NKAIN3: variants seen among roughly 807,000 people sequenced by gnomAD.
NKAIN3 encodes the protein sodium/potassium transporting ATPase interacting 3.
In NKAIN3, 25 loss-of-function variants were observed where a neutral mutation model predicts 30.2. The ratio of observed to expected loss-of-function variants is 0.83; its 90% CI spans 0.60 to 1.16. The LOEUF (loss-of-function observed/expected upper bound fraction) is 1.16. NKAIN3 is among the 50% of genes most tolerant of loss of function. NKAIN3 has a pLI of 0.00. For synonymous variants in NKAIN3, 91 were observed against 89.6 expected (o/e 1.02, Z -0.09); for missense variants, 225 against 254.1 (o/e 0.89, Z 0.78).
At chr8:62,305,444 T>C (rs1814199780) in intron 1 of NKAIN3, among the ~76,000 whole-genome samples, 1 of 150,608 alleles carries the variant, frequency 6.6e-6, no homozygotes, top group Non-Finnish European at 1.5e-5. Flanking sequence ...CTGAACAATA[T>C]GGTCATGGTC....
At chr8:62,849,595 T>TCCCCCGGGGGGGGGGGCCCCCCC in intron 4 of NKAIN3, among the ~76,000 whole-genome samples, 1 of 85,308 alleles carries the variant, frequency 1.2e-5, no homozygotes, top group Non-Finnish European at 2.4e-5. Context: ...GCTATCCCTC[T>TCCCCCGGGGGGGGGGGCCCCCCC]CCCCTCCCCC....
In NKAIN3 at chr8:62,890,742, C is replaced by A. The variant is rs1002444306; in HGVS notation, c.472-27711C>A. On this transcript the variant is annotated intron_variant, in intron 4 of 6. Coordinates refer to ENST00000623646, the MANE Select transcript of NKAIN3 (RefSeq NM_001304533.3). ...ATAGGAGAGGGACAGGATTGAGGTA[C>A]CCTCTCTGCAGGCTTGCCTGTCTAC... Among the ~76,000 whole-genome samples the A allele has an allele frequency of 3.3e-5, 5 of 152,328 alleles. No homozygotes were observed. The South Asian group carries it at 1.0e-3, about 32-fold the overall frequency.
chr8:62,613,805 C>A (rs1388584262), intron 3 of NKAIN3, among the ~76,000 whole-genome samples: 1 of 152,106 alleles, frequency 6.6e-6, no homozygotes, highest in East Asian at 1.9e-4. Flanking sequence ...TTAAAGGAAT[C>A]TGATGCATTC....
At chr8:62,644,215 C>T (rs1812391598) in intron 3 of NKAIN3, among the ~76,000 whole-genome samples, 1 of 152,112 alleles carries the variant, frequency 6.6e-6, no homozygotes, top group Non-Finnish European at 1.5e-5. Flanking sequence ...ATCCTCACTG[C>T]TCCTGCTGCT....
chr8:62,779,513 C>T (rs1220368793), intron 4 of NKAIN3, among the ~76,000 whole-genome samples: 3 of 152,010 alleles, frequency 2.0e-5, no homozygotes, highest in African/African-American at 7.2e-5. Context: ...CACAAAGTCT[C>T]ACAATCACTG....
chr8:62,735,452 A>G (rs746266108), intron 3 of NKAIN3, among the ~76,000 whole-genome samples: 2 of 147,062 alleles, frequency 1.4e-5, no homozygotes, highest in African/African-American at 2.5e-5. Flanking sequence ...TCTCCAGTGC[A>G]TTTTGCATTT....
At position 62,402,044 on chromosome 8, in the gene NKAIN3, T is replaced by C. The variant is rs888317476; in HGVS notation, c.54+152917T>C. On this transcript the variant is annotated intron_variant, in intron 1 of 6. Coordinates refer to ENST00000623646, the MANE Select transcript of NKAIN3 (RefSeq NM_001304533.3). ...TGATCACAGTTAGGTCCAGAGATGC[T>C]GTCTGGCAGCCAGTCCCTGGAGTCA... Among the ~76,000 whole-genome samples, 4 of 152,218 alleles carry C rather than the reference T, an allele frequency of 2.6e-5. No individual in the cohort carries two copies. The South Asian group carries it at 8.3e-4, about 31-fold the overall frequency.
chr8:62,273,626 G>A (rs1023130347), intron 1 of NKAIN3, among the ~76,000 whole-genome samples: 1 of 152,176 alleles, frequency 6.6e-6, no homozygotes, highest in Admixed American at 6.5e-5. Flanking sequence ...ACAAGTTCTT[G>A]TTGTGCCACA....
At chr8:62,298,262 T>C (rs887855327) in intron 1 of NKAIN3, among the ~76,000 whole-genome samples, 5 of 152,148 alleles carry the variant, frequency 3.3e-5, no homozygotes, top group African/African-American at 1.2e-4. Context: ...GCATCGCACA[T>C]GTATACATAT....
intron 2 of NKAIN3, among the ~76,000 whole-genome samples, chr8:62,581,862 ATCCTC>A (rs1417607523): frequency 7.4e-4 from 6 of 8,086 alleles, no homozygotes; most frequent in African/African-American, 2.4e-3. Flanking sequence ...CCTCCCACCC[ATCCTC>A]ACTCCCTTCC....
chr8:62,364,614 G>A (rs905942892), intron 1 of NKAIN3, among the ~76,000 whole-genome samples: 2 of 151,630 alleles, frequency 1.3e-5, no homozygotes, highest in African/African-American at 2.4e-5. Flanking sequence ...AGGCCGATGC[G>A]GGTGGATCAC....
chr8:62,838,689 A>G (rs73258715), intron 4 of NKAIN3, among the ~76,000 whole-genome samples: 4,039 of 152,190 alleles, frequency 0.027, 175 homozygotes, highest in African/African-American at 0.092. Flanking sequence ...AGGCATCAGC[A>G]CTAAAAACAC....
intron 3 of NKAIN3, among the ~76,000 whole-genome samples, chr8:62,735,366 CTTTCTTTCTTTCT>C (rs1369605843): frequency 1.5e-5 from 2 of 132,700 alleles, no homozygotes; most frequent in East Asian, 2.1e-4. Flanking sequence ...TTCTTTCTTT[CTTTCTTTCTTTCT>C]TTTTTTTTTT....
At chr8:62,601,022 C>G (rs1437169635) in intron 3 of NKAIN3, among the ~76,000 whole-genome samples, 1 of 151,960 alleles carries the variant, frequency 6.6e-6, no homozygotes, top group Non-Finnish European at 1.5e-5. Context: ...TATTTTAGAC[C>G]GTCAATTCAG....
At chr8:62,828,720 G>A (rs1819103596) in intron 4 of NKAIN3, among the ~76,000 whole-genome samples, 1 of 152,150 alleles carries the variant, frequency 6.6e-6, no homozygotes, top group African/African-American at 2.4e-5. Flanking sequence ...CAGATCTTAA[G>A]ATACTAGAAG....
intron 1 of NKAIN3, among the ~76,000 whole-genome samples, chr8:62,540,777 T>A (rs7016380): frequency 6.6e-6 from 1 of 151,960 alleles, no homozygotes; most frequent in Non-Finnish European, 1.5e-5. Context: ...CTAGATCCCA[T>A]GTCTTTTGCA....
rs11306305 is a variant in NKAIN3, at chr8:62,254,628, A to AT, written c.54+5510dup. 9.2e-5 allele frequency among the ~76,000 whole-genome samples: 14 copies of AT among 151,690 alleles called. No individual in the cohort carries two copies. The South Asian group carries it at 1.7e-3, about 18-fold the overall frequency. ...AATTATTATCAAATTATATCTTTTG[A>AT]TTTTTTTTTCTGAGAGGTTAAGAGC... On this transcript the variant is annotated intron_variant, in intron 1 of 6. Coordinates refer to ENST00000623646, the MANE Select transcript of NKAIN3 (RefSeq NM_001304533.3).
At chr8:62,377,334 CT>C (rs1216847717) in intron 1 of NKAIN3, among the ~76,000 whole-genome samples, 1 of 152,064 alleles carries the variant, frequency 6.6e-6, no homozygotes, top group Non-Finnish European at 1.5e-5. Flanking sequence ...CCAAAATTCT[CT>C]TATTTATTAA....
intron 3 of NKAIN3, among the ~76,000 whole-genome samples, chr8:62,655,879 G>A (rs1812748873): frequency 6.6e-6 from 1 of 152,038 alleles, no homozygotes; most frequent in African/African-American, 2.4e-5. Context: ...AAATTATGGT[G>A]GATCATGAGC....
Sources: gnomAD v4.1 joint callset for allele counts (sites outside exome capture counted in the v4.1 genomes callset) on GRCh38, gnomAD v4.1.1 for gene constraint, MANE v1.5 for transcripts, NCBI Gene and HGNC (gene_info 2026-07-23, HGNC 2026-07-21) for gene names.